RIMBP2: variants seen among roughly 807,000 people sequenced by gnomAD.
RIMBP2 encodes RIMS-binding protein 2.
A neutral mutation model predicts 118.6 loss-of-function variants in RIMBP2; 48 were observed. That is an observed-to-expected ratio of 0.40 (90% CI 0.32 to 0.51). RIMBP2 has a LOEUF of 0.51. RIMBP2 is among the 20% of genes least tolerant of loss of function. RIMBP2 has a pLI of 0.41. For synonymous variants in RIMBP2, 762 were observed against 742.9 expected (o/e 1.03, Z -0.42); for missense variants, 1,551 against 1,768.3 (o/e 0.88, Z 2.20).
chr12:130,608,769 T>A lies in RIMBP2; in HGVS notation c.-217+19553A>T. On this transcript the variant is annotated intron_variant, in intron 2 of 22. Coordinates refer to ENST00000690449, the MANE Select transcript of RIMBP2 (RefSeq NM_001393629.1). ...TAAATCTAGTTAATTAGCAAGTACA[T>A]TACCTCATAGTTATTTTGTGGTGAG... Among the ~76,000 whole-genome samples the A allele has an allele frequency of 2.0e-5, 3 of 152,332 alleles. No individual in the cohort carries two copies. In the Middle Eastern group the frequency reaches 0.01, roughly 518 times the overall value.
chr12:130,541,182 C>T (rs1028010783), intron 2 of RIMBP2, among the ~76,000 whole-genome samples: 6 of 152,220 alleles, frequency 3.9e-5, no homozygotes, highest in Non-Finnish European at 8.8e-5. Flanking sequence ...TGGGCAATCT[C>T]TGTCTATGGA....
intron 2 of RIMBP2, among the ~76,000 whole-genome samples, chr12:130,520,533 G>C (rs143618976): frequency 2.0e-5 from 3 of 152,048 alleles, no homozygotes; most frequent in Admixed American, 2.0e-4. Context: ...TTAGCCAGGC[G>C]TGGTGGTGGG....
intron 5 of RIMBP2, among the ~76,000 whole-genome samples, chr12:130,478,015 G>A (rs1260405144): frequency 6.6e-6 from 1 of 152,136 alleles, no homozygotes; most frequent in Non-Finnish European, 1.5e-5. Flanking sequence ...TTCTTCCTGG[G>A]GGCACCCCAA....
chr12:130,454,317 A>G (rs1417303125), intron 7 of RIMBP2, among the ~76,000 whole-genome samples: 2 of 152,228 alleles, frequency 1.3e-5, no homozygotes, highest in East Asian at 3.9e-4. Context: ...AAATAAGTAA[A>G]CACATTCAGA....
At chr12:130,504,760 C>G (rs1373792527) in intron 4 of RIMBP2, among the ~76,000 whole-genome samples, 1 of 152,028 alleles carries the variant, frequency 6.6e-6, no homozygotes, top group East Asian at 1.9e-4. Flanking sequence ...GAGCTCAGTA[C>G]CACTGACACG....
Position 130,434,625 on chromosome 12 carries a change from C to T in RIMBP2, c.2253+109G>A. ...CCCAGCTGGGCGTCTCCATCTCTCT[C>T]AGGGACCCAAGGGTAGCGGGGAAAG... On this transcript the variant is annotated intron_variant, in intron 14 of 22. Coordinates refer to ENST00000690449, the MANE Select transcript of RIMBP2 (RefSeq NM_001393629.1). This position sits in a 1 kb window ranked among gnomAD's most constrained non-coding sequence, Gnocchi z 5.7. 1 of 1,267,488 alleles carries T rather than the reference C, an allele frequency of 7.9e-7. No homozygotes were observed. Among genetic ancestry groups the T allele is most frequent in the Non-Finnish European group, 1.1e-6 (1 of 935,626 alleles). The allele number at this position is 1,267,488 out of a possible 1,614,324, so 78.5% of individuals were successfully genotyped here.
At chr12:130,479,121 G>A (rs2081717537) in intron 4 of RIMBP2, 105 bp from the exon 5 acceptor site, 1 of 824,846 alleles carries the variant, frequency 1.2e-6, no homozygotes. Flanking sequence ...GGTCACTCCA[G>A]AGCAGCCCCT....
rs1447724228 is a variant in RIMBP2 at position 130,620,218 on chromosome 12, A to ACTAT, written c.-217+8103_-217+8104insATAG. On this transcript the variant is annotated intron_variant, in intron 2 of 22. Transcript: ENST00000690449. The surrounding 1 kb of genome is among the most constrained non-coding windows in gnomAD (Gnocchi z 5.3). ...ACAAGACCGAAGTGGTGGCAGTTAA[A>ACTAT]CAATCAGTCCCCTGAATTTAAATCT... Among the ~76,000 whole-genome samples, 2 of 152,120 alleles carry ACTAT rather than the reference A, an allele frequency of 1.3e-5. No individual in the cohort carries two copies. Among genetic ancestry groups the ACTAT allele is most frequent in the African/African-American group, 4.8e-5 (2 of 41,422 alleles).
At chr12:130,535,986 A>C (rs1416790824) in intron 2 of RIMBP2, among the ~76,000 whole-genome samples, 1 of 151,820 alleles carries the variant, frequency 6.6e-6, no homozygotes, top group Non-Finnish European at 1.5e-5. Flanking sequence ...ACGGGGTTTC[A>C]CCAAGTTGCC....
At chr12:130,457,650 G>A (rs553676595) in intron 6 of RIMBP2, among the ~76,000 whole-genome samples, 7 of 152,316 alleles carry the variant, frequency 4.6e-5, no homozygotes, top group African/African-American at 4.8e-5. Context: ...ACCGCCCCCC[G>A]GCACTGCAGT....
At chr12:130,497,892 G>A (rs906262671) in intron 4 of RIMBP2, among the ~76,000 whole-genome samples, 3 of 152,188 alleles carry the variant, frequency 2.0e-5, no homozygotes, top group African/African-American at 7.2e-5. Flanking sequence ...AGTGCGCGGT[G>A]GGGAGATCCT....
chr12:130,432,384 C>G, intron 14 of RIMBP2: 1 of 447,906 alleles, frequency 2.2e-6, no homozygotes. Flanking sequence ...TTGTGTTTTG[C>G]GTGTCATGTA....
At chr12:130,636,948 C>T (rs1282000379) in intron 1 of RIMBP2, among the ~76,000 whole-genome samples, 1 of 152,140 alleles carries the variant, frequency 6.6e-6, no homozygotes, top group Non-Finnish European at 1.5e-5. Context: ...CCTAGTAATG[C>T]CTTGGGGATG....
chr12:130,491,151 T>A (rs1447803475), intron 4 of RIMBP2, among the ~76,000 whole-genome samples: 1 of 152,212 alleles, frequency 6.6e-6, no homozygotes, highest in Non-Finnish European at 1.5e-5. Context: ...TACTAAGTTC[T>A]AGAAGTACTG....
chr12:130,543,713 T>C (rs2054824262), intron 2 of RIMBP2, among the ~76,000 whole-genome samples: 1 of 151,232 alleles, frequency 6.6e-6, no homozygotes, highest in South Asian at 2.1e-4. Flanking sequence ...TGACACCACA[T>C]GAATTTGGCC....
At chr12:130,706,335 T>C (rs76043073) in intron 1 of RIMBP2, among the ~76,000 whole-genome samples, 3,782 of 152,338 alleles carry the variant, frequency 0.025, 158 homozygotes, top group African/African-American at 0.086. Context: ...CGGATGCTAT[T>C]GTTACCTGCA....
chr12:130,421,018 C>T (rs2076374608), intron 17 of RIMBP2: 1 of 152,188 alleles, frequency 6.6e-6, no homozygotes, highest in Non-Finnish European at 1.5e-5. Flanking sequence ...AATGAAGACT[C>T]GAAATCTCAC....
At chr12:130,663,590 T>C (rs534181641) in intron 1 of RIMBP2, among the ~76,000 whole-genome samples, 4 of 151,804 alleles carry the variant, frequency 2.6e-5, no homozygotes, top group South Asian at 2.1e-4. Flanking sequence ...ATGTTCAACT[T>C]CACCTGTAAG....
rs1365702175 is a variant in RIMBP2, at chr12:130,424,660, T to G, written c.2611A>C (p.Arg871=). The G allele has an allele frequency of 4.1e-6, 5 of 1,231,652 alleles. No individual in the cohort carries two copies. The highest frequency in any genetic ancestry group is 5.1e-6 in the Non-Finnish European group (5 of 987,838). 76.3% of individuals were successfully genotyped at this position (1,231,652 alleles called of 1,614,324 possible). A position where few individuals can be genotyped will look rare whatever the true frequency, so the allele number is the denominator to read the frequency against. ...TGLAREPRPG[R]PYRGDEAPRG... is the part of the protein sequence containing the mutation. ...GGGGCCTCGTCGCCCCTGTAGGGCC[T>G]GCCGGGCCTGGGCTCTCTGGCCAGC... The change falls in exon 16 of 23, where the codon AGG becomes CGG. Residue 871 remains arginine (R), a synonymous_variant. Transcript: ENST00000690449. This position sits in a 1 kb window ranked among gnomAD's most constrained non-coding sequence, Gnocchi z 9.8.
Sources: gnomAD v4.1 joint callset for allele counts (sites outside exome capture counted in the v4.1 genomes callset) on GRCh38, gnomAD v4.1.1 for gene constraint, Gnocchi (gnomAD v3.1) non-coding constraint, MANE v1.5 for transcripts, NCBI Gene and HGNC (gene_info 2026-07-23, HGNC 2026-07-21) for gene names.